Variants in PTK2 observed in about 807,000 individuals in gnomAD.
PTK2 encodes the protein protein tyrosine kinase 2, also known as focal adhesion kinase 1.
Under a neutral mutation model 150.1 loss-of-function variants are expected in PTK2, and 45 were observed. That is an observed-to-expected ratio of 0.30 (90% CI 0.24 to 0.38). PTK2 has a LOEUF of 0.38. Ranked by LOEUF, PTK2 falls within the 10% of genes least tolerant of loss-of-function variation. PTK2 has a pLI of 1.00. For missense variants in PTK2, 919 were observed against 1,307.3 expected (o/e 0.70, Z 4.58); for synonymous variants, 432 against 449.2 (o/e 0.96, Z 0.48).
At chr8:140,664,038 C>T (rs1333759436) in intron 31 of PTK2, among the ~76,000 whole-genome samples, 1 of 151,972 alleles carries the variant, frequency 6.6e-6, no homozygotes, top group Non-Finnish European at 1.5e-5. Context: ...GGCTGGAGTG[C>T]AATGGCACGA....
At chr8:140,845,453 C>G (rs1017668433) in intron 7 of PTK2, among the ~76,000 whole-genome samples, 2 of 150,870 alleles carry the variant, frequency 1.3e-5, no homozygotes, top group Admixed American at 1.3e-4. Flanking sequence ...GCAACAAACC[C>G]CACATATCTA....
At chr8:140,858,430 A>AAAAAAAAGAAAGAAAGAAAG (rs1350321432) in intron 5 of PTK2, among the ~76,000 whole-genome samples, 7 of 151,878 alleles carry the variant, frequency 4.6e-5, no homozygotes, top group Non-Finnish European at 1.0e-4. Flanking sequence ...AGGGCAGAAA[A>AAAAAAAAGAAAGAAAGAAAG]AAAAAAAGAA....
At position 140,762,408 on chromosome 8, in the gene PTK2, G is replaced by A; in HGVS notation, c.1235-1146C>T. On this transcript the variant is annotated intron_variant, in intron 15 of 31. Coordinates refer to ENST00000522684, the Ensembl canonical transcript of PTK2. ...AGCTTTCTGTATTGCAATTAAGAGA[G>A]AAAAAAATTGAAGACCTTGCTTAGA... is the stretch of plus-strand genomic sequence containing the variant. 3.6e-6 allele frequency: 4 copies of A among 1,125,838 alleles called. No individual in the cohort carries two copies. The highest frequency in any genetic ancestry group is 8.9e-5 in the Admixed American group (2 of 22,420). The allele number at this position is 1,125,838 out of a possible 1,614,324, so 69.7% of individuals were successfully genotyped here. A position where few individuals can be genotyped will look rare whatever the true frequency, so the allele number is the denominator to read the frequency against.
chr8:140,787,990 C>T (rs1416947067), intron 14 of PTK2, among the ~76,000 whole-genome samples: 1 of 152,168 alleles, frequency 6.6e-6, no homozygotes, highest in Non-Finnish European at 1.5e-5. Flanking sequence ...CTTTCTCTCT[C>T]CAACTAGATT....
At chr8:140,904,363 G>A (rs2100160010) in intron 2 of PTK2, among the ~76,000 whole-genome samples, 1 of 152,156 alleles carries the variant, frequency 6.6e-6, no homozygotes, top group Non-Finnish European at 1.5e-5. Context: ...GATAGTGGTG[G>A]ATATGCTTTT....
At chr8:140,814,775 T>TC (rs1416367039) in intron 10 of PTK2, among the ~76,000 whole-genome samples, 1 of 151,532 alleles carries the variant, frequency 6.6e-6, no homozygotes, top group African/African-American at 2.4e-5. Context: ...TATAAATTGT[T>TC]CTTTTTTTTT....
At chr8:140,926,154 C>T (rs562816764) in intron 1 of PTK2, among the ~76,000 whole-genome samples, 1 of 152,332 alleles carries the variant, frequency 6.6e-6, no homozygotes, top group East Asian at 1.9e-4. Flanking sequence ...CCATGTACTT[C>T]ACCAATTTGC....
intron 22 of PTK2, 46 bp from the exon 26 acceptor site, chr8:140,717,755 T>C (rs1564990502): frequency 6.9e-6 from 10 of 1,459,620 alleles, no homozygotes; most frequent in Non-Finnish European, 8.7e-6. Context: ...AACCCAGAGT[T>C]AGCACACACT....
At chr8:140,933,190 G>A (rs1569155696) in intron 1 of PTK2, among the ~76,000 whole-genome samples, 18 of 140,932 alleles carry the variant, frequency 1.3e-4, no homozygotes, top group Non-Finnish European at 1.4e-4. Flanking sequence ...CAACAGTAAT[G>A]AAAAAAAAAA....
At chr8:140,692,915 A>G (rs993255685) in intron 26 of PTK2, among the ~76,000 whole-genome samples, 3 of 152,184 alleles carry the variant, frequency 2.0e-5, no homozygotes, top group Non-Finnish European at 4.4e-5. Context: ...ATTCAGACTG[A>G]CTGGATCTGC....
At chr8:140,885,256 C>T (rs2154607225) in intron 3 of PTK2, among the ~76,000 whole-genome samples, 1 of 152,262 alleles carries the variant, frequency 6.6e-6, no homozygotes, top group Middle Eastern at 3.4e-3. Flanking sequence ...TCAATTAAGG[C>T]TTTCTACTTC....
intron 3 of PTK2, among the ~76,000 whole-genome samples, chr8:140,882,099 G>A (rs1404241553): frequency 6.6e-6 from 1 of 152,104 alleles, no homozygotes; most frequent in Admixed American, 6.5e-5. Context: ...CATCCATATC[G>A]TACTCTGTCC....
chr8:140,868,639 T>C (rs1028546688), intron 4 of PTK2, among the ~76,000 whole-genome samples: 2 of 152,174 alleles, frequency 1.3e-5, no homozygotes, highest in Non-Finnish European at 2.9e-5. Flanking sequence ...TACAATGCAA[T>C]GAGAAAGGTA....
chr8:140,876,592 T>A lies in PTK2; in HGVS notation c.362+2879A>T, dbSNP rs181530901. Among the ~76,000 whole-genome samples, 39 of 152,352 alleles carry A rather than the reference T, an allele frequency of 2.6e-4. 2 individuals carry two copies. The highest frequency in any genetic ancestry group is 9.1e-4 in the African/African-American group (38 of 41,582). ...GTCATTCATTGATTATAAAATATTC[T>A]CAACCATTATCTCTTGGGATTATCT... On this transcript the variant is annotated intron_variant, in intron 4 of 31. Transcript: ENST00000522684.
intron 3 of PTK2, among the ~76,000 whole-genome samples, chr8:140,885,888 GAGTGA>G (rs542174095): frequency 2.0e-5 from 3 of 152,274 alleles, no homozygotes; most frequent in South Asian, 2.1e-4. Flanking sequence ...CTGAGTGGAG[GAGTGA>G]AGTGCTCTGG....
At chr8:140,937,635 T>C (rs542175813) in intron 1 of PTK2, among the ~76,000 whole-genome samples, 44 of 149,800 alleles carry the variant, frequency 2.9e-4, no homozygotes, top group African/African-American at 1.1e-3. Flanking sequence ...CTAACAAAAA[T>C]TGGAAAGAAA....
chr8:140,789,280 TAA>T (rs201077713), intron 14 of PTK2, among the ~76,000 whole-genome samples, 192 bp downstream of exon 14: 13 of 123,680 alleles, frequency 1.1e-4, no homozygotes, highest in Non-Finnish European at 1.0e-4. Context: ...TGTCCCATCT[TAA>T]AAAAAAAAAA....
chr8:140,728,799 G>C (rs1351341915), intron 22 of PTK2, among the ~76,000 whole-genome samples: 1 of 152,176 alleles, frequency 6.6e-6, no homozygotes, highest in Non-Finnish European at 1.5e-5. Flanking sequence ...GAGATTACAA[G>C]CGTGAGCCAC....
At chr8:140,943,797 G>C (rs960691641) in intron 1 of PTK2, among the ~76,000 whole-genome samples, 10 of 152,076 alleles carry the variant, frequency 6.6e-5, no homozygotes, top group African/African-American at 2.2e-4. Context: ...ATGATATCTC[G>C]TGTGGTTGTA....
Sources: gnomAD v4.1 joint callset for allele counts (sites outside exome capture counted in the v4.1 genomes callset) on GRCh38, gnomAD v4.1.1 for gene constraint, MANE v1.5 for transcripts, NCBI Gene and HGNC (gene_info 2026-07-23, HGNC 2026-07-21) for gene names.